KCNQ1: variants seen among roughly 807,000 people sequenced by gnomAD.
The protein encoded by KCNQ1 is potassium voltage-gated channel subfamily Q member 1.
A neutral mutation model predicts 72.4 loss-of-function variants in KCNQ1; 49 were observed. The observed-to-expected ratio is 0.68, with a 90% CI of 0.54 to 0.86. KCNQ1 has a LOEUF of 0.86. KCNQ1 is among the 40% of genes least tolerant of loss of function. The probability of loss-of-function intolerance (pLI) is 0.00; values close to 1 mark genes in which losing one functional copy is unlikely to be tolerated. For synonymous variants in KCNQ1, 450 were observed against 412.6 expected (o/e 1.09, Z -1.10); for missense variants, 790 against 945.1 (o/e 0.84, Z 2.15).
rs531161327 is a variant in KCNQ1, at chr11:2,464,057, A to G, written c.386+18573A>G. On this transcript the variant is annotated intron_variant, in intron 1 of 15. Coordinates refer to ENST00000155840, the MANE Select transcript of KCNQ1 (RefSeq NM_000218.3). The surrounding 1 kb of genome is among the most constrained non-coding windows in gnomAD (Gnocchi z 5.0). ...AATGGACACTGATGCTGCCCGGTGGATCCAGGCAGGGCCGGGATGTTTGCA... is the reference window on the plus strand; with the variant it reads ...AATGGACACTGATGCTGCCCGGTGGGTCCAGGCAGGGCCGGGATGTTTGCA... 2.3e-3 allele frequency among the ~76,000 whole-genome samples: 356 copies of G among 152,290 alleles called. 1 individual carries two copies. Among genetic ancestry groups the G allele is most frequent in the Non-Finnish European group, 3.2e-3 (220 of 68,022 alleles).
At position 2,626,044 on chromosome 11, in the gene KCNQ1, A is replaced by T; in HGVS notation, c.1394-35917A>T. 5.0e-6 allele frequency: 2 copies of T among 398,626 alleles called. No homozygotes were observed. Among genetic ancestry groups the T allele is most frequent in the Middle Eastern group, 6.3e-4 (1 of 1,588 alleles). The allele number at this position is 398,626 out of a possible 1,614,324, so 24.7% of individuals were successfully genotyped here. ...AATGCACACAATGTAAATTTTTAAA[A>T]TTTATCTAGTTTTACTTTTATTGCC... On this transcript the variant is annotated intron_variant, in intron 10 of 15. Transcript: ENST00000155840. This position sits in a 1 kb window ranked among gnomAD's most constrained non-coding sequence, Gnocchi z 4.0.
intron 15 of KCNQ1, among the ~76,000 whole-genome samples, chr11:2,790,804 T>C (rs911185354): frequency 6.6e-6 from 1 of 152,094 alleles, no homozygotes; most frequent in Non-Finnish European, 1.5e-5. Flanking sequence ...GCTCAGAGGG[T>C]GTGAGCATGA....
At chr11:2,510,077 C>G (rs1483136231) in intron 1 of KCNQ1, among the ~76,000 whole-genome samples, 1 of 151,840 alleles carries the variant, frequency 6.6e-6, no homozygotes, top group Non-Finnish European at 1.5e-5. Context: ...CGAGACCAGC[C>G]TGGGCAACAT....
At chr11:2,618,229 G>T in intron 10 of KCNQ1, 1 of 398,324 alleles carries the variant, frequency 2.5e-6, no homozygotes, top group Non-Finnish European at 4.4e-6. Context: ...AAATCTTTTG[G>T]CTTCCCGGGG....
At position 2,695,765 on chromosome 11, in the gene KCNQ1, C is replaced by A; in HGVS notation, c.1514+33684C>A. 5.0e-6 allele frequency: 2 copies of A among 398,620 alleles called. No homozygotes were observed. The highest frequency in any genetic ancestry group is 8.8e-6 in the Non-Finnish European group (2 of 226,062). The allele number at this position is 398,620 out of a possible 1,614,324, so 24.7% of individuals were successfully genotyped here. On this transcript the variant is annotated intron_variant, in intron 11 of 15. Transcript: ENST00000155840. The surrounding 1 kb of genome is among the most constrained non-coding windows in gnomAD (Gnocchi z 5.2). Reference sequence around the variant, plus strand: ...TTCCTTGCCTTCTGCCAACACTTGGCCTTATCCTACTTTCTAATGCTTCTC... The same window carrying A: ...TTCCTTGCCTTCTGCCAACACTTGGACTTATCCTACTTTCTAATGCTTCTC...
At chr11:2,822,173 G>A (rs1847751599) in intron 15 of KCNQ1, among the ~76,000 whole-genome samples, 1 of 152,158 alleles carries the variant, frequency 6.6e-6, no homozygotes, top group Non-Finnish European at 1.5e-5. Flanking sequence ...AGAAGGTGAG[G>A]AATGAATCAG....
rs760404656 is a variant in KCNQ1, at chr11:2,615,036, T to C, written c.1393+26182T>C. The C allele has an allele frequency of 1.3e-5, 5 of 398,276 alleles. 1 individual carries two copies. Among genetic ancestry groups the C allele is most frequent in the African/African-American group, 2.1e-5 (1 of 48,618 alleles). 24.7% of individuals were successfully genotyped at this position (398,276 alleles called of 1,614,324 possible). A position where few individuals can be genotyped will look rare whatever the true frequency, so the allele number is the denominator to read the frequency against. ...TTCCAATCTGTGAACACAGGATGTA[T>C]AGTTCTATTTATTTAAGTCTTCTTT... On this transcript the variant is annotated intron_variant, in intron 10 of 15. Coordinates refer to ENST00000155840, the MANE Select transcript of KCNQ1 (RefSeq NM_000218.3).
chr11:2,680,136 C>G, intron 11 of KCNQ1: 1 of 396,338 alleles, frequency 2.5e-6, no homozygotes, highest in Non-Finnish European at 4.4e-6. Flanking sequence ...AAGTGATCTG[C>G]CCGCCTCAGC....
chr11:2,797,286 C>T (rs983007283), intron 15 of KCNQ1, among the ~76,000 whole-genome samples: 34 of 152,202 alleles, frequency 2.2e-4, no homozygotes, highest in Admixed American at 5.2e-4. Flanking sequence ...CAGCCAGGAA[C>T]GGGCCCCAAC....
intron 11 of KCNQ1, chr11:2,696,715 G>C (rs1850682480): frequency 5.0e-6 from 2 of 398,610 alleles, no homozygotes; most frequent in East Asian, 7.1e-5. Flanking sequence ...CATATGGAAA[G>C]ATCTCCCTCT....
intron 15 of KCNQ1, among the ~76,000 whole-genome samples, chr11:2,835,238 C>T (rs982189529): frequency 3.3e-5 from 5 of 152,090 alleles, no homozygotes; most frequent in African/African-American, 9.7e-5. Flanking sequence ...GGGCTCCCTG[C>T]GGCTGGGGTG....
Position 2,445,217 on chromosome 11 carries a change from T to G in KCNQ1, c.119T>G (p.Leu40Arg). Residue 40 changes from leucine to arginine, a missense_variant, in exon 1 of 16, where the codon CTG (leucine) becomes CGG (arginine). By Grantham distance (102) the Leu-to-Arg change is moderately radical (BLOSUM62 -2). Coordinates refer to ENST00000155840, the MANE Select transcript of KCNQ1 (RefSeq NM_000218.3). ...AAGAAGTGCCCCTTCTCGCTGGAGC[T>G]GGCGGAGGGCGGCCCGGCGGGCGGC... Reference protein sequence around the residue: ...LAKKCPFSLELAEGGPAGGAL... With the variant: ...LAKKCPFSLERAEGGPAGGAL... 7 of 1,136,450 alleles carry G rather than the reference T, an allele frequency of 6.2e-6. No homozygotes were observed. The highest frequency in any genetic ancestry group is 7.6e-6 in the Non-Finnish European group (7 of 923,764). The allele number at this position is 1,136,450 out of a possible 1,614,324, so 70.4% of individuals were successfully genotyped here.
At position 2,664,027 on chromosome 11, in the gene KCNQ1, T is replaced by C; in HGVS notation, c.1514+1946T>C. The C allele has an allele frequency of 2.5e-6, 1 of 398,756 alleles. No homozygotes were observed. Among genetic ancestry groups the C allele is most frequent in the Non-Finnish European group, 4.4e-6 (1 of 226,140 alleles). The allele number at this position is 398,756 out of a possible 1,614,324, so 24.7% of individuals were successfully genotyped here. A position where few individuals can be genotyped will look rare whatever the true frequency, so the allele number is the denominator to read the frequency against. On this transcript the variant is annotated intron_variant, in intron 11 of 15. Coordinates refer to ENST00000155840, the MANE Select transcript of KCNQ1 (RefSeq NM_000218.3). The surrounding 1 kb of genome is among the most constrained non-coding windows in gnomAD (Gnocchi z 5.1). ...GGCACATTACCATTCTGCAAGATCC[T>C]GCAGCCTTTTCAGGTTGGCACTCCC...
At position 2,472,767 on chromosome 11, in the gene KCNQ1, G is replaced by C. The variant is rs1344715108; in HGVS notation, c.386+27283G>C. Among the ~76,000 whole-genome samples, 4 of 152,202 alleles carry C rather than the reference G, an allele frequency of 2.6e-5. No homozygotes were observed. In the East Asian group the frequency reaches 7.7e-4, roughly 29 times the overall value. ...CTTCCCTGTCTAGGGGTACCCAGTAGAGCTGCCCAGCCCTGCCACTCCAGC... is the reference window on the plus strand; with the variant it reads ...CTTCCCTGTCTAGGGGTACCCAGTACAGCTGCCCAGCCCTGCCACTCCAGC... On this transcript the variant is annotated intron_variant, in intron 1 of 15. Coordinates refer to ENST00000155840, the MANE Select transcript of KCNQ1 (RefSeq NM_000218.3).
chr11:2,755,417 A>C (rs1027611681), intron 11 of KCNQ1, among the ~76,000 whole-genome samples: 5 of 152,132 alleles, frequency 3.3e-5, no homozygotes, highest in African/African-American at 1.2e-4. Flanking sequence ...CGCCTGGCTA[A>C]TTTTGTTTAA....
At chr11:2,638,430 A>G (rs1344358148) in intron 10 of KCNQ1, 1 of 152,150 alleles carries the variant, frequency 6.6e-6, no homozygotes, top group African/African-American at 2.4e-5. Flanking sequence ...TCCTTCACTT[A>G]TGAAGCTTAG....
chr11:2,456,763 TCCAAAA>T (rs1214284504), intron 1 of KCNQ1, among the ~76,000 whole-genome samples: 10 of 54,662 alleles, frequency 1.8e-4, no homozygotes, highest in African/African-American at 4.6e-4. Flanking sequence ...CTACTAAAAA[TCCAAAA>T]AAAAAAAAAA....
Position 2,816,353 on chromosome 11 carries a change from A to G in KCNQ1, c.1795-31414A>G, listed in dbSNP as rs960459248. On this transcript the variant is annotated intron_variant, in intron 15 of 15. Transcript: ENST00000155840. This position sits in a 1 kb window ranked among gnomAD's most constrained non-coding sequence, Gnocchi z 6.8. Reference sequence around the variant, plus strand: ...AGAGGGGCCTCCAGCGCCGTGGGGGAGAATTTCAAGAGCCTTTTGTGAAAA... The same window carrying G: ...AGAGGGGCCTCCAGCGCCGTGGGGGGGAATTTCAAGAGCCTTTTGTGAAAA... Among the ~76,000 whole-genome samples, 1 of 152,216 alleles carries G rather than the reference A, an allele frequency of 6.6e-6. No homozygotes were observed. Among genetic ancestry groups the G allele is most frequent in the Non-Finnish European group, 1.5e-5 (1 of 68,036 alleles).
At chr11:2,736,864 G>T (rs1217904164) in intron 11 of KCNQ1, among the ~76,000 whole-genome samples, 1 of 152,206 alleles carries the variant, frequency 6.6e-6, no homozygotes, top group Non-Finnish European at 1.5e-5. Context: ...CACGGCTCAG[G>T]GACCCCACAG....
Sources: allele counts gnomAD v4.1 joint callset (sites outside exome capture counted in the v4.1 genomes callset), GRCh38; gene constraint gnomAD v4.1.1; non-coding constraint Gnocchi (gnomAD v3.1); transcripts MANE v1.5; gene names NCBI Gene and HGNC (gene_info 2026-07-23, HGNC 2026-07-21).